ZNF131: variants seen among roughly 807,000 people sequenced by gnomAD.
ZNF131 encodes zinc finger protein 131.
A neutral mutation model predicts 60.0 loss-of-function variants in ZNF131; 7 were observed. That is an observed-to-expected ratio of 0.12 (90% CI 0.07 to 0.22). The LOEUF is 0.22. Ranked by LOEUF, ZNF131 falls within the 10% of genes least tolerant of loss-of-function variation. The pLI is 1.00. For missense variants in ZNF131, 493 were observed against 740.9 expected (o/e 0.67, Z 3.88); for synonymous variants, 257 against 253.2 (o/e 1.01, Z -0.14).
intron 3 of ZNF131, chr5:43,123,925 C>A (rs1484436552): frequency 6.6e-6 from 1 of 151,976 alleles, no homozygotes; most frequent in African/African-American, 2.4e-5. Flanking sequence ...AAGTGCCAGG[C>A]GTTGTGATAT....
At chr5:43,149,111 C>T (rs1208410696) in intron 4 of ZNF131, among the ~76,000 whole-genome samples, 1 of 152,142 alleles carries the variant, frequency 6.6e-6, no homozygotes, top group Non-Finnish European at 1.5e-5. Flanking sequence ...GAAACCCCGT[C>T]TGTACAAAAA....
chr5:43,138,781 A>G (rs1284153343), intron 3 of ZNF131, among the ~76,000 whole-genome samples: 2 of 152,230 alleles, frequency 1.3e-5, no homozygotes, highest in Non-Finnish European at 2.9e-5. Context: ...GGGCCTTGAA[A>G]TAAAGTCAGA....
intron 5 of ZNF131, among the ~76,000 whole-genome samples, chr5:43,170,635 C>CCTT (rs555220388): frequency 3.5e-5 from 5 of 141,448 alleles, no homozygotes; most frequent in Non-Finnish European, 7.7e-5. Context: ...TCTTTGTCCC[C>CCTT]TTTTTTTTTT....
At chr5:43,139,376 C>T (rs1746519749) in intron 4 of ZNF131, 67 bp downstream of exon 4, 3 of 1,401,034 alleles carry the variant, frequency 2.1e-6, no homozygotes, top group South Asian at 3.8e-5. Context: ...TAGTGAAGAA[C>T]TTACAGTATG....
At chr5:43,139,066 A>G (rs928865761) in intron 3 of ZNF131, 99 bp from the exon 4 acceptor site, 35 of 1,049,322 alleles carry the variant, frequency 3.3e-5, no homozygotes, top group Non-Finnish European at 3.6e-5. Context: ...AAAAATAAAT[A>G]CTCAACAAGC....
In ZNF131 at chr5:43,175,882, TTAAG is replaced by T. The variant is rs1751522213; in HGVS notation, c.*751_*754del. The T allele has an allele frequency of 8.0e-6, 1 of 124,928 alleles. No individual in the cohort carries two copies. The highest frequency in any genetic ancestry group is 1.9e-5 in the Non-Finnish European group (1 of 52,952). 7.7% of individuals were successfully genotyped at this position (124,928 alleles called of 1,614,324 possible). A position where few individuals can be genotyped will look rare whatever the true frequency, so the allele number is the denominator to read the frequency against. ...ATGACAACCACCAGTTCTTTTTCAC[TTAAG>T]TTAGGTTGAGAAATTTTATTTAATG... On this transcript the variant is annotated 3_prime_UTR_variant, in exon 7 of 7. Coordinates refer to ENST00000682664, the MANE Select transcript of ZNF131 (RefSeq NM_001330707.2).
intron 4 of ZNF131, among the ~76,000 whole-genome samples, chr5:43,146,646 C>T (rs1343629505): frequency 1.3e-5 from 2 of 152,008 alleles, no homozygotes; most frequent in African/African-American, 2.4e-5. Context: ...GTGGTTCATG[C>T]CTATAATCCT....
At chr5:43,134,856 C>T (rs1247148082) in intron 3 of ZNF131, among the ~76,000 whole-genome samples, 1 of 149,414 alleles carries the variant, frequency 6.7e-6, no homozygotes, top group Non-Finnish European at 1.5e-5. Flanking sequence ...CCTATCACAC[C>T]CAGCTAATTC....
intron 3 of ZNF131, among the ~76,000 whole-genome samples, chr5:43,125,547 G>A (rs956643163): frequency 1.3e-5 from 2 of 151,876 alleles, no homozygotes; most frequent in South Asian, 2.1e-4. Context: ...TTGGGAGGCC[G>A]AGGCAGGCAG....
chr5:43,122,244 G>A, intron 2 of ZNF131, 67 bp downstream of exon 2: 1 of 1,210,962 alleles, frequency 8.3e-7, no homozygotes, highest in Non-Finnish European at 1.1e-6. Flanking sequence ...TCGGACACCC[G>A]CCTTTTTTTT....
intron 3 of ZNF131, among the ~76,000 whole-genome samples, chr5:43,127,237 G>A (rs946100066): frequency 2.0e-5 from 3 of 152,116 alleles, no homozygotes; most frequent in Admixed American, 2.0e-4. Flanking sequence ...CATTAGGTGG[G>A]CATTAGAGAC....
At chr5:43,148,940 A>G (rs974940758) in intron 4 of ZNF131, among the ~76,000 whole-genome samples, 2 of 152,158 alleles carry the variant, frequency 1.3e-5, no homozygotes, top group African/African-American at 4.8e-5. Context: ...ATGTGCATGT[A>G]ATAGTATGGT....
intron 2 of ZNF131, 115 bp from the exon 3 acceptor site, chr5:43,123,094 T>TA (rs1744078826): frequency 2.9e-6 from 2 of 690,878 alleles, no homozygotes; most frequent in Non-Finnish European, 4.7e-6. Flanking sequence ...TTTCTGTAGT[T>TA]ACGTAATGAA....
intron 2 of ZNF131, among the ~76,000 whole-genome samples, chr5:43,122,958 A>G (rs1262214674): frequency 6.6e-6 from 1 of 152,166 alleles, no homozygotes; most frequent in Non-Finnish European, 1.5e-5. Flanking sequence ...GAGGCTCCTT[A>G]CCTAGTGTTG....
chr5:43,139,544 AAAAT>A (rs1746542053), intron 4 of ZNF131, among the ~76,000 whole-genome samples: 1 of 152,238 alleles, frequency 6.6e-6, no homozygotes, highest in Admixed American at 6.5e-5. Context: ...GGTATGTAAT[AAAAT>A]AAATCTAGAC....
intron 5 of ZNF131, among the ~76,000 whole-genome samples, chr5:43,170,068 A>G (rs1024840429): frequency 2.0e-5 from 3 of 152,200 alleles, no homozygotes; most frequent in African/African-American, 7.2e-5. Context: ...TGCACATTTT[A>G]TATCTTGACA....
At chr5:43,139,022 T>C in intron 3 of ZNF131, 143 bp from the exon 4 acceptor site, 1 of 622,612 alleles carries the variant, frequency 1.6e-6, no homozygotes, top group Middle Eastern at 4.8e-4. Flanking sequence ...TATTATTGTA[T>C]TGCTAATGAG....
chr5:43,123,120 C>T lies in ZNF131; in HGVS notation c.125-89C>T, dbSNP rs1744083781. On this transcript the variant is annotated intron_variant, in intron 2 of 6. Transcript: ENST00000682664. The stretch of plus-strand genomic sequence containing the variant: ...ACGTAATGAAGGAAGACCTATTTTG[C>T]TTTATATGATTTTTAAGTCTATTTT... The T allele has an allele frequency of 1.2e-5, 12 of 1,004,238 alleles. No individual in the cohort carries two copies. The East Asian group carries it at 2.5e-4, about 21-fold the overall frequency. 62.2% of individuals were successfully genotyped at this position (1,004,238 alleles called of 1,614,324 possible).
At position 43,161,461 on chromosome 5, in the gene ZNF131, A is replaced by G; in HGVS notation, c.584A>G (p.Gln195Arg). 6.2e-7 allele frequency: 1 copy of G among 1,614,262 alleles called. No individual in the cohort carries two copies. Among genetic ancestry groups the G allele is most frequent in the Non-Finnish European group, 8.5e-7 (1 of 1,180,040 alleles). The change falls in exon 5 of 7, where the codon CAG becomes CGG. Residue 195 changes from glutamine to arginine, a missense_variant. This residue lies in a region of ZNF131 where 138 missense variants were observed against 158.7 expected (regional missense o/e 0.87). Transcript: ENST00000682664. ...ETLEEVASAK[Q>R]SVKYIQSTGS... is the part of the protein sequence containing the mutation. ...TTAGAGGAAGTGGCTTCTGCCAAGC[A>G]GTCCGTAAAGTACATACAGAGCACA...
Sources: gnomAD v4.1 joint callset for allele counts (sites outside exome capture counted in the v4.1 genomes callset) on GRCh38, gnomAD v4.1.1 for gene constraint, gnomAD v4.1.1 regional missense constraint, MANE v1.5 for transcripts, NCBI Gene and HGNC (gene_info 2026-07-23, HGNC 2026-07-21) for gene names.